Variants in ZKSCAN5 observed in about 807,000 individuals in gnomAD.
The protein encoded by ZKSCAN5 is zinc finger protein with KRAB and SCAN domains 5.
A neutral mutation model predicts 60.0 loss-of-function variants in ZKSCAN5; 28 were observed. The observed-to-expected ratio is 0.47, with a 90% CI of 0.35 to 0.64. The LOEUF (loss-of-function observed/expected upper bound fraction) is 0.64. ZKSCAN5 is among the 30% of genes least tolerant of loss of function. The probability of loss-of-function intolerance (pLI) is 0.01; values close to 1 mark genes in which losing one functional copy is unlikely to be tolerated. For synonymous variants in ZKSCAN5, 361 were observed against 371.2 expected (o/e 0.97, Z 0.31); for missense variants, 881 against 1,034.6 (o/e 0.85, Z 2.04).
chr7:99,530,068 CTGT>C (rs1801977255), intron 6 of ZKSCAN5, among the ~76,000 whole-genome samples: 1 of 100,436 alleles, frequency 1.0e-5, no homozygotes, highest in African/African-American at 4.0e-5. Context: ...TGGAGTCTTG[CTGT>C]TGCCCAGGCT....
Position 99,526,002 on chromosome 7 carries a change from A to T in ZKSCAN5, c.962A>T (p.Asn321Ile). The T allele has an allele frequency of 6.2e-7, 1 of 1,614,156 alleles. No homozygotes were observed. Among genetic ancestry groups the T allele is most frequent in the Non-Finnish European group, 8.5e-7 (1 of 1,180,036 alleles). ...CCCACTGTGGGGAAATCAAGGCAGA[A>T]TCCTTCCCAGAAAAGGGATCTGGAT... is the stretch of plus-strand genomic sequence containing the variant. ...VNPTVGKSRQNPSQKRDLDAI... is the reference protein window; with the variant it reads ...VNPTVGKSRQIPSQKRDLDAI... The change falls in exon 6 of 7, where the codon AAT becomes ATT. Residue 321 changes from asparagine (N) to isoleucine (I), a missense_variant. Asn to Ile is a moderately radical substitution (Grantham distance 149, BLOSUM62 -3). Around this residue, in one of 5 missense-constraint regions of ZKSCAN5, gnomAD observed 490 missense variants for 554.5 expected, o/e 0.88. Transcript: ENST00000326775.
chr7:99,507,091 C>T (rs1187762898), intron 2 of ZKSCAN5, among the ~76,000 whole-genome samples: 1 of 152,190 alleles, frequency 6.6e-6, no homozygotes, highest in East Asian at 1.9e-4. Flanking sequence ...CAATTTCTCT[C>T]AACTGCCTAG....
At chr7:99,521,645 T>C (rs1801545105) in intron 5 of ZKSCAN5, among the ~76,000 whole-genome samples, 1 of 152,086 alleles carries the variant, frequency 6.6e-6, no homozygotes. Context: ...ATTATTTATA[T>C]TTATTTCCTC....
chr7:99,527,373 G>C (rs1220167921), intron 6 of ZKSCAN5, among the ~76,000 whole-genome samples: 2 of 151,908 alleles, frequency 1.3e-5, no homozygotes, highest in African/African-American at 4.8e-5. Context: ...TAAAATAACA[G>C]TAGTACAGGA....
At position 99,506,192 on chromosome 7, in the gene ZKSCAN5, T is replaced by C. The variant is rs1299663015; in HGVS notation, c.148T>C (p.Tyr50His). The C allele has an allele frequency of 6.2e-7, 1 of 1,614,200 alleles. No individual in the cohort carries two copies. The highest frequency in any genetic ancestry group is 1.7e-5 in the Admixed American group (1 of 60,012). ...EYNPPTFETF[Y>H]QRFRHFQYHE... ...CAACCCGCCAACGTTTGAGACTTTTTACCAGCGCTTCAGGCACTTCCAGTA... is the reference window on the plus strand; with the variant it reads ...CAACCCGCCAACGTTTGAGACTTTTCACCAGCGCTTCAGGCACTTCCAGTA... The change falls in exon 2 of 7, where the codon TAC (tyrosine) becomes CAC (histidine). Residue 50 changes from tyrosine to histidine, a missense_variant. Around this residue, in one of 5 missense-constraint regions of ZKSCAN5, gnomAD observed 88 missense variants for 65.2 expected, o/e 1.35. Coordinates refer to ENST00000326775, the MANE Select transcript of ZKSCAN5 (RefSeq NM_145102.4).
At chr7:99,526,495 G>A in intron 6 of ZKSCAN5, 77 bp downstream of exon 6, 6 of 1,524,340 alleles carry the variant, frequency 3.9e-6, no homozygotes, top group Non-Finnish European at 4.4e-6. Flanking sequence ...CGGTACAACA[G>A]GACAGATGGG....
Position 99,510,033 on chromosome 7 carries a change from C to T in ZKSCAN5, c.415-2420C>T, listed in dbSNP as rs578212849. 2.6e-5 allele frequency among the ~76,000 whole-genome samples: 4 copies of T among 152,208 alleles called. No homozygotes were observed. The East Asian group carries it at 7.7e-4, about 29-fold the overall frequency. On this transcript the variant is annotated intron_variant, in intron 2 of 6. Coordinates refer to ENST00000326775, the MANE Select transcript of ZKSCAN5 (RefSeq NM_145102.4). ...AATCATAGCTCACTGCAGCCTCGAA[C>T]TCCTGGCCTCAAGTGATCCTCTTGA...
intron 2 of ZKSCAN5, among the ~76,000 whole-genome samples, chr7:99,510,944 A>G (rs368379766): frequency 6.6e-6 from 1 of 151,956 alleles, no homozygotes; most frequent in Non-Finnish European, 1.5e-5. Context: ...TGGTCTCGCC[A>G]TGTTGCCCAA....
At chr7:99,518,804 C>A (rs1354627039) in intron 3 of ZKSCAN5, among the ~76,000 whole-genome samples, 1 of 146,388 alleles carries the variant, frequency 6.8e-6, no homozygotes, top group Non-Finnish European at 1.5e-5. Context: ...GTCTCCTGAG[C>A]AGCTGGGACT....
rs773443096 is a variant in ZKSCAN5, at chr7:99,531,371, C to G, written c.1642C>G (p.Pro548Ala). Residue 548 changes from proline (P) to alanine (A), a missense_variant, in exon 7 of 7, where the codon CCA becomes GCA. Coordinates refer to ENST00000326775, the MANE Select transcript of ZKSCAN5 (RefSeq NM_145102.4). Reference protein sequence around the residue: ...VHKKSSTGERPHKCNECGKSF... With the variant: ...VHKKSSTGERAHKCNECGKSF... Reference sequence around the variant, plus strand: ...CAAAAAATCCTCCACTGGAGAGAGACCACATAAATGTAACGAGTGTGGGAA... The same window carrying G: ...CAAAAAATCCTCCACTGGAGAGAGAGCACATAAATGTAACGAGTGTGGGAA... The G allele has an allele frequency of 4.3e-6, 7 of 1,614,142 alleles. No homozygotes were observed. The highest frequency in any genetic ancestry group is 1.6e-4 in the Middle Eastern group (1 of 6,062).
Position 99,533,285 on chromosome 7 carries a change from G to A in ZKSCAN5, c.*1036G>A, listed in dbSNP as rs1452122861. 13 of 676,804 alleles carry A rather than the reference G, an allele frequency of 1.9e-5. No individual in the cohort carries two copies. Among genetic ancestry groups the A allele is most frequent in the Admixed American group, 1.6e-4 (8 of 48,638 alleles). 41.9% of individuals were successfully genotyped at this position (676,804 alleles called of 1,614,324 possible). A position where few individuals can be genotyped will look rare whatever the true frequency, so the allele number is the denominator to read the frequency against. On this transcript the variant is annotated 3_prime_UTR_variant, in exon 7 of 7. Coordinates refer to ENST00000326775, the MANE Select transcript of ZKSCAN5 (RefSeq NM_145102.4). Reference sequence around the variant, plus strand: ...GCAGGCAGGAGGTCCTGTTAGCCCTGCCTTCCAGGAAGGTTGGGGTGGGAG... The same window carrying A: ...GCAGGCAGGAGGTCCTGTTAGCCCTACCTTCCAGGAAGGTTGGGGTGGGAG...
rs777774246 is a variant in ZKSCAN5 at position 99,526,156 on chromosome 7, A to T, written c.1116A>T (p.Lys372Asn). ...ATCGGCGCATCCACACTGGAGAAAA[A>T]CCGTTTAAGTGCGGAGAATGTGGGA... ...IQHRRIHTGE[K>N]PFKCGECGKS... The change falls in exon 6 of 7, where the codon AAA (lysine) becomes AAT (asparagine). Residue 372 changes from lysine to asparagine, a missense_variant. Physicochemically the swap from Lys to Asn is moderately conservative, Grantham distance 94. Transcript: ENST00000326775. 1.9e-6 allele frequency: 3 copies of T among 1,614,150 alleles called. No individual in the cohort carries two copies. In the South Asian group the frequency reaches 3.3e-5, roughly 18 times the overall value.
chr7:99,528,555 T>A (rs946151564), intron 6 of ZKSCAN5, among the ~76,000 whole-genome samples: 1 of 152,228 alleles, frequency 6.6e-6, no homozygotes, highest in African/African-American at 2.4e-5. Flanking sequence ...GCTTCCTGCA[T>A]AGCTGGGACT....
Position 99,529,395 on chromosome 7 carries a change from C to A in ZKSCAN5, c.1379-1713C>A, listed in dbSNP as rs192845409. ...ACCTCAGGTGATCCACCTGCCTCAG[C>A]CTCCCAAAGTGCTGGGATTATAGGC... On this transcript the variant is annotated intron_variant, in intron 6 of 6. Transcript: ENST00000326775. Among the ~76,000 whole-genome samples, 302 of 152,304 alleles carry A rather than the reference C, an allele frequency of 2.0e-3. 1 individual carries two copies. Among genetic ancestry groups the A allele is most frequent in the Non-Finnish European group, 3.4e-3 (230 of 68,034 alleles).
At chr7:99,506,526 A>G in intron 2 of ZKSCAN5, 68 bp downstream of exon 2, 1 of 1,510,288 alleles carries the variant, frequency 6.6e-7, no homozygotes, top group South Asian at 1.3e-5. Flanking sequence ...CAGGGGTGAG[A>G]TTCTTAGTCC....
chr7:99,516,284 G>A (rs1801262937), intron 3 of ZKSCAN5, among the ~76,000 whole-genome samples: 1 of 152,072 alleles, frequency 6.6e-6, no homozygotes, highest in East Asian at 1.9e-4. Context: ...CATCCTCTCT[G>A]CCCTGTTAAC....
Position 99,525,952 on chromosome 7 carries a change from C to T in ZKSCAN5, c.912C>T (p.Gly304=), listed in dbSNP as rs1301948341. The T allele has an allele frequency of 1.2e-6, 2 of 1,613,920 alleles. No individual in the cohort carries two copies. Among genetic ancestry groups the T allele is most frequent in the Non-Finnish European group, 1.7e-6 (2 of 1,180,034 alleles). ...TTGCAGAAGTCAGTGACCTTAAAGG[C>T]ATGGTACAAAGGTGGCAGGTCAACC... is the stretch of plus-strand genomic sequence containing the variant. ...PDFAEVSDLK[G]MVQRWQVNPT... is the part of the protein sequence containing the mutation. Residue 304 remains glycine (G), a synonymous_variant, in exon 6 of 7, where the codon GGC becomes GGT. Coordinates refer to ENST00000326775, the MANE Select transcript of ZKSCAN5 (RefSeq NM_145102.4).
At chr7:99,517,682 A>G (rs1239277778) in intron 3 of ZKSCAN5, among the ~76,000 whole-genome samples, 4 of 151,940 alleles carry the variant, frequency 2.6e-5, no homozygotes, top group Non-Finnish European at 5.9e-5. Context: ...CTCCATCTCA[A>G]AAAAACAAAA....
intron 2 of ZKSCAN5, 112 bp downstream of exon 2, chr7:99,506,570 G>A (rs1368488333): frequency 7.5e-7 from 1 of 1,340,524 alleles, no homozygotes; most frequent in Non-Finnish European, 1.0e-6. Flanking sequence ...TTGTTCTCCT[G>A]GGATTAGGTA....
Sources: gnomAD v4.1 joint callset for allele counts (sites outside exome capture counted in the v4.1 genomes callset) on GRCh38, gnomAD v4.1.1 for gene constraint, gnomAD v4.1.1 regional missense constraint, MANE v1.5 for transcripts, NCBI Gene and HGNC (gene_info 2026-07-23, HGNC 2026-07-21) for gene names.